The following USP24 variants were observed in gnomAD, a reference collection of about 807,000 sequenced individuals.
USP24 encodes the protein ubiquitin specific peptidase 24.
A neutral mutation model predicts 361.6 loss-of-function variants in USP24; 97 were observed. That is an observed-to-expected ratio of 0.27 (90% CI 0.23 to 0.32). USP24 has a LOEUF of 0.32. Ranked by LOEUF, USP24 falls within the 10% of genes least tolerant of loss-of-function variation. USP24 has a pLI of 1.00. For missense variants in USP24, 2,353 were observed against 3,165.6 expected, an observed-to-expected ratio of 0.74 and a Z score of 6.16; for synonymous variants, 1,098 against 1,124.6, an observed-to-expected ratio of 0.98 and a Z score of 0.47.
In USP24 at chr1:55,134,313, A is replaced by G. The variant is rs1164293548; in HGVS notation, c.3287+15T>C. On this transcript the variant is annotated intron_variant, in intron 29 of 67. Coordinates refer to ENST00000294383, the MANE Select transcript of USP24 (RefSeq NM_015306.3). ...AACTTTCTCTCTGCCAAGCCTCACA[A>G]ATATTTATATTTACCTTGGCTCTTC... is the stretch of plus-strand genomic sequence containing the variant. 2 of 1,608,860 alleles carry G rather than the reference A, an allele frequency of 1.2e-6. No homozygotes were observed. Among genetic ancestry groups the G allele is most frequent in the Non-Finnish European group, 1.7e-6 (2 of 1,176,698 alleles).
At chr1:55,093,753 C>T (rs942709835) in intron 52 of USP24, 184 bp downstream of exon 52, 7 of 704,834 alleles carry the variant, frequency 9.9e-6, no homozygotes, top group Non-Finnish European at 1.3e-5. Context: ...GTGTTCTTAG[C>T]ACTCCATGGC....
At chr1:55,199,823 C>T (rs998231125) in intron 1 of USP24, among the ~76,000 whole-genome samples, 2 of 152,150 alleles carry the variant, frequency 1.3e-5, no homozygotes, top group South Asian at 4.2e-4. Flanking sequence ...CTGATAGAGA[C>T]ATACCCGAGA....
chr1:55,159,691 G>C lies in USP24; in HGVS notation c.994-6C>G, dbSNP rs779833219. On this transcript the variant is annotated splice_polypyrimidine_tract_variant and splice_region_variant and intron_variant, in intron 8 of 67. Transcript: ENST00000294383. Reference sequence around the variant, plus strand: ...ATGACTGGGTCTAGCATGGGCTGTAGAAATAAAATGCTACAGTTAAGAACT... The same window carrying C: ...ATGACTGGGTCTAGCATGGGCTGTACAAATAAAATGCTACAGTTAAGAACT... The C allele has an allele frequency of 6.4e-7, 1 of 1,553,374 alleles. No individual in the cohort carries two copies.
chr1:55,118,622 T>TA (rs752136017), intron 38 of USP24, among the ~76,000 whole-genome samples: 1 of 152,154 alleles, frequency 6.6e-6, no homozygotes, highest in Non-Finnish European at 1.5e-5. Context: ...TCAAGAGAGC[T>TA]AAAAGACAAC....
chr1:55,211,940 T>C (rs1180639952), intron 1 of USP24, among the ~76,000 whole-genome samples: 1 of 152,254 alleles, frequency 6.6e-6, no homozygotes, highest in Non-Finnish European at 1.5e-5. Context: ...ATTAACTATA[T>C]AATAGCTGAC....
intron 55 of USP24, 31 bp downstream of exon 55, chr1:55,089,596 T>C: frequency 1.4e-6 from 2 of 1,459,522 alleles, no homozygotes; most frequent in Non-Finnish European, 1.9e-6. Flanking sequence ...GAGACACAAA[T>C]TTCTTTTAAT....
At chr1:55,157,437 A>G (rs1247353810) in intron 10 of USP24, 67 bp from the exon 11 acceptor site, 1 of 922,698 alleles carries the variant, frequency 1.1e-6, no homozygotes, top group Non-Finnish European at 1.6e-6. Context: ...AGATAGATAG[A>G]TAATTTTTAC....
intron 1 of USP24, among the ~76,000 whole-genome samples, chr1:55,195,971 G>A (rs1443294045): frequency 1.3e-5 from 2 of 152,086 alleles, no homozygotes; most frequent in East Asian, 1.9e-4. Context: ...TAAGAAAAAA[G>A]GGGGGACCCA....
At position 55,190,810 on chromosome 1, in the gene USP24, G is replaced by A. The variant is rs532818961; in HGVS notation, c.325-12678C>T. Among the ~76,000 whole-genome samples, 5 of 152,286 alleles carry A rather than the reference G, an allele frequency of 3.3e-5. No homozygotes were observed. In the South Asian group the frequency reaches 1.0e-3, roughly 32 times the overall value. ...GTGGGTGTCCAGGTATATGTGCAGT[G>A]AGAACAAACCTGTACACAGTTGAAG... On this transcript the variant is annotated intron_variant, in intron 1 of 67. Coordinates refer to ENST00000294383, the MANE Select transcript of USP24 (RefSeq NM_015306.3).
At chr1:55,125,616 A>G (rs1326377053) in intron 33 of USP24, 47 bp downstream of exon 33, 2 of 1,577,114 alleles carry the variant, frequency 1.3e-6, no homozygotes, top group Non-Finnish European at 1.7e-6. Context: ...TTTGCGAAGA[A>G]AAAGTCAAGT....
At chr1:55,166,074 A>C (rs902666045) in intron 6 of USP24, 124 bp from the exon 7 acceptor site, 3 of 727,930 alleles carry the variant, frequency 4.1e-6, no homozygotes, top group Non-Finnish European at 6.2e-6. Context: ...TGATACAGGC[A>C]TACAATGTGA....
intron 24 of USP24, among the ~76,000 whole-genome samples, chr1:55,139,247 T>C (rs1169403287): frequency 2.6e-5 from 4 of 152,228 alleles, no homozygotes; most frequent in Non-Finnish European, 5.9e-5. Flanking sequence ...CCTTTCCTTT[T>C]CTTTCTTCTT....
Position 55,081,377 on chromosome 1 carries a change from G to T in USP24, c.7023C>A (p.His2341Gln). The T allele has an allele frequency of 6.2e-7, 1 of 1,613,754 alleles. No homozygotes were observed. The highest frequency in any genetic ancestry group is 2.2e-5 in the East Asian group (1 of 44,882). ...SAQAREFGNL[H>Q]NTVALLVLHS... ...GCAAAACAAGTAACGCCACTGTATT[G>T]TGAAGATTCCCAAATTCTCGTGCTT... is the stretch of plus-strand genomic sequence containing the variant. Residue 2341 changes from histidine to glutamine, a missense_variant, in exon 59 of 68, where the codon CAC becomes CAA. Transcript: ENST00000294383.
intron 25 of USP24, 21 bp from the exon 26 acceptor site, chr1:55,138,739 AG>A: frequency 6.4e-7 from 1 of 1,550,478 alleles, no homozygotes; most frequent in Non-Finnish European, 8.9e-7. Flanking sequence ...GAATAAGTCA[AG>A]TCAGATGGAC....
chr1:55,124,325 T>C (rs1646365254), intron 35 of USP24, 144 bp downstream of exon 35: 4 of 918,988 alleles, frequency 4.4e-6, no homozygotes, highest in Non-Finnish European at 6.4e-6. Context: ...ACTAAGTGTA[T>C]ACAGAGCTTG....
chr1:55,176,317 C>T, intron 3 of USP24, 59 bp downstream of exon 3: 1 of 1,431,508 alleles, frequency 7.0e-7, no homozygotes, highest in Admixed American at 2.4e-5. Flanking sequence ...AGCTTCTCTT[C>T]CTTCACCCTG....
chr1:55,097,046 C>A lies in USP24; in HGVS notation c.5842G>T (p.Val1948Phe). ...QGGGGSPRKK[V>F]ALTENYELVG... Reference sequence around the variant, plus strand: ...AGTTCATAGTTTTCTGTGAGGGCAACCTTTTTTCGTGGGGATCCTCCACCG... The same window carrying A: ...AGTTCATAGTTTTCTGTGAGGGCAAACTTTTTTCGTGGGGATCCTCCACCG... Residue 1948 changes from valine to phenylalanine, a missense_variant, in exon 49 of 68, where the codon GTT becomes TTT. Physicochemically the swap from Val to Phe is conservative, Grantham distance 50. Coordinates refer to ENST00000294383, the MANE Select transcript of USP24 (RefSeq NM_015306.3). 1.2e-6 allele frequency: 2 copies of A among 1,613,914 alleles called. No homozygotes were observed. Among genetic ancestry groups the A allele is most frequent in the Non-Finnish European group, 1.7e-6 (2 of 1,179,880 alleles).
intron 8 of USP24, among the ~76,000 whole-genome samples, chr1:55,160,401 G>C (rs1173874110): frequency 6.6e-6 from 1 of 152,190 alleles, no homozygotes; most frequent in Non-Finnish European, 1.5e-5. Context: ...TTATGGTTAA[G>C]AGAGTCATAG....
chr1:55,196,497 C>T (rs1478317801), intron 1 of USP24, among the ~76,000 whole-genome samples: 3 of 152,010 alleles, frequency 2.0e-5, no homozygotes, highest in Non-Finnish European at 4.4e-5. Flanking sequence ...TTTTCATCTC[C>T]CTCAAGAACC....
Sources: allele counts gnomAD v4.1 joint callset (sites outside exome capture counted in the v4.1 genomes callset), GRCh38; gene constraint gnomAD v4.1.1; transcripts MANE v1.5; gene names NCBI Gene and HGNC (gene_info 2026-07-23, HGNC 2026-07-21).